Variants in SUSD5 observed in about 807,000 individuals in gnomAD.
SUSD5 encodes sushi domain containing 5, also known as sushi domain-containing protein 5.
Under a neutral mutation model 29.5 loss-of-function variants are expected in SUSD5, and 33 were observed. That is an observed-to-expected ratio of 1.12 (90% confidence interval 0.85 to 1.49). The LOEUF (loss-of-function observed/expected upper bound fraction) is 1.49. Ranked by LOEUF, SUSD5 falls within the 40% of genes most tolerant of loss-of-function variation. The probability of loss-of-function intolerance (pLI) is 0.00; values close to 1 mark genes in which losing one functional copy is unlikely to be tolerated. For missense variants in SUSD5, 776 were observed against 800.6 expected (o/e 0.97, Z 0.37); for synonymous variants, 308 against 325.3 (o/e 0.95, Z 0.57).
chr3:33,182,610 C>T (rs887072054), intron 3 of SUSD5, among the ~76,000 whole-genome samples: 1 of 152,168 alleles, frequency 6.6e-6, no homozygotes, highest in Non-Finnish European at 1.5e-5. Context: ...TGTTGTTAGG[C>T]ACATATACAT....
rs755931190 is a variant in SUSD5, at chr3:33,207,935, G to C, written c.291-9C>G. 6.1e-5 allele frequency: 97 copies of C among 1,598,960 alleles called. 1 individual carries two copies. The Admixed American group carries it at 6.5e-4, about 11-fold the overall frequency. ...TGCTACACACAGTTGTTCTGAAATA[G>C]ACAAAAAAGGCACTGAATGAGGAAA... On this transcript the variant is annotated splice_polypyrimidine_tract_variant and intron_variant, in intron 2 of 4. Coordinates refer to ENST00000309558, the MANE Select transcript of SUSD5 (RefSeq NM_015551.2).
rs914294688 is a variant in SUSD5, at chr3:33,152,407, G to A, written c.*335C>T. On this transcript the variant is annotated 3_prime_UTR_variant, in exon 5 of 5. Transcript: ENST00000309558. ...TGCACTCCAGCCTGGGCAACAGCAT[G>A]AGACTCTGTCTCAAAAAAAAAAAGA... 4.2e-6 allele frequency: 1 copy of A among 237,524 alleles called. No homozygotes were observed. The highest frequency in any genetic ancestry group is 5.1e-5 in the Admixed American group (1 of 19,622). 14.7% of individuals were successfully genotyped at this position (237,524 alleles called of 1,614,324 possible). A position where few individuals can be genotyped will look rare whatever the true frequency, so the allele number is the denominator to read the frequency against.
intron 2 of SUSD5, among the ~76,000 whole-genome samples, chr3:33,213,307 G>A (rs868755449): frequency 6.6e-6 from 1 of 152,124 alleles, no homozygotes; most frequent in Non-Finnish European, 1.5e-5. Context: ...AGGAGGCTGA[G>A]GCAGGAGAAA....
intron 3 of SUSD5, among the ~76,000 whole-genome samples, chr3:33,202,008 T>C (rs1426351087): frequency 6.6e-6 from 1 of 150,844 alleles, no homozygotes; most frequent in East Asian, 1.9e-4. Flanking sequence ...GTTAACTCCT[T>C]GAGAGAGGGG....
chr3:33,193,560 C>T (rs142247897), intron 3 of SUSD5, among the ~76,000 whole-genome samples: 2,298 of 152,112 alleles, frequency 0.015, 53 homozygotes, highest in African/African-American at 0.052. Flanking sequence ...ATATGGAATT[C>T]AGGGCTTTAG....
intron 1 of SUSD5, among the ~76,000 whole-genome samples, chr3:33,217,554 G>T (rs879341704): frequency 1.3e-5 from 2 of 152,188 alleles, no homozygotes; most frequent in Non-Finnish European, 2.9e-5. Flanking sequence ...TCTCTCTGAG[G>T]ATATGGAGAA....
chr3:33,177,433 C>T (rs535634728), intron 3 of SUSD5, among the ~76,000 whole-genome samples: 4 of 152,148 alleles, frequency 2.6e-5, no homozygotes, highest in African/African-American at 4.8e-5. Flanking sequence ...AGATCTTGTA[C>T]GTAATTTGTT....
chr3:33,207,976 T>C (rs1299531738), intron 2 of SUSD5, 50 bp from the exon 3 acceptor site: 2 of 1,352,142 alleles, frequency 1.5e-6, no homozygotes, highest in Non-Finnish European at 2.1e-6. Flanking sequence ...GGGTTGAAAA[T>C]AATAAGGAAT....
chr3:33,154,759 C>T (rs998266171), intron 4 of SUSD5, among the ~76,000 whole-genome samples: 2 of 151,998 alleles, frequency 1.3e-5, no homozygotes, highest in African/African-American at 4.8e-5. Context: ...TAAGACATTG[C>T]TAAGCAAAAT....
At chr3:33,202,117 G>A (rs1355433390) in intron 3 of SUSD5, among the ~76,000 whole-genome samples, 1 of 152,012 alleles carries the variant, frequency 6.6e-6, no homozygotes, top group Non-Finnish European at 1.5e-5. Context: ...CCACAAGTCT[G>A]AGCATTGGAC....
chr3:33,198,291 T>C (rs1194308174), intron 3 of SUSD5, among the ~76,000 whole-genome samples: 1 of 152,222 alleles, frequency 6.6e-6, no homozygotes, highest in Non-Finnish European at 1.5e-5. Context: ...GGTTCTAATA[T>C]TATTCCCAAG....
At chr3:33,161,371 G>A (rs999578104) in intron 4 of SUSD5, among the ~76,000 whole-genome samples, 37 of 151,948 alleles carry the variant, frequency 2.4e-4, no homozygotes, top group African/African-American at 7.7e-4. Flanking sequence ...TGAAAGGAGA[G>A]TAAAAGACTA....
At chr3:33,212,791 G>C (rs1312274507) in intron 2 of SUSD5, among the ~76,000 whole-genome samples, 1 of 152,196 alleles carries the variant, frequency 6.6e-6, no homozygotes, top group Non-Finnish European at 1.5e-5. Flanking sequence ...AATCTAGACA[G>C]ATGCGGCATG....
intron 2 of SUSD5, 101 bp from the exon 3 acceptor site, chr3:33,208,027 T>G: frequency 1.2e-6 from 1 of 840,246 alleles, no homozygotes; most frequent in Non-Finnish European, 1.9e-6. Context: ...CAGAGATTTT[T>G]CTGATTCATG....
chr3:33,153,419 C>T lies in SUSD5; in HGVS notation c.1213G>A (p.Val405Ile), dbSNP rs552801817. 3.0e-5 allele frequency: 49 copies of T among 1,613,810 alleles called. No individual in the cohort carries two copies. The highest frequency in any genetic ancestry group is 1.6e-4 in the Middle Eastern group (1 of 6,062). ...ATGGGCTGATCAGGAGTAACTAGGA[C>T]GTTTTCATCCAGCCCTACTGACCCA... The part of the protein sequence containing the change: ...GDGSVGLDEN[V>I]LVTPDQPILV... The change falls in exon 5 of 5, where the codon GTC becomes ATC. Residue 405 changes from valine to isoleucine, a missense_variant. Transcript: ENST00000309558.
chr3:33,182,961 TA>T (rs1279940778), intron 3 of SUSD5, among the ~76,000 whole-genome samples: 1 of 138,518 alleles, frequency 7.2e-6, no homozygotes, highest in Non-Finnish European at 1.6e-5. Context: ...TAATTTTTTG[TA>T]TTTTTTTTTT....
rs1312205534 is a variant in SUSD5 at position 33,167,984 on chromosome 3, TCTC to T, written c.598+6899_598+6901del. ...TCTAGGAAATGTAAGCTTTGTGGCT[TCTC>T]CTGGCAAAATGCAGGTCATTCACTG... On this transcript the variant is annotated intron_variant, in intron 4 of 4. Transcript: ENST00000309558. The surrounding 1 kb of genome is among the most constrained non-coding windows in gnomAD (Gnocchi z 4.1). 6.6e-6 allele frequency among the ~76,000 whole-genome samples: 1 copy of T among 152,202 alleles called. No individual in the cohort carries two copies. Among genetic ancestry groups the T allele is most frequent in the Non-Finnish European group, 1.5e-5 (1 of 68,034 alleles).
intron 3 of SUSD5, among the ~76,000 whole-genome samples, chr3:33,203,456 G>T (rs990830389): frequency 6.6e-6 from 1 of 152,220 alleles, no homozygotes; most frequent in African/African-American, 2.4e-5. Context: ...TGTAGCCTTT[G>T]CCCTGTGCAG....
At position 33,159,909 on chromosome 3, in the gene SUSD5, G is replaced by A. The variant is rs577519753; in HGVS notation, c.599-5876C>T. On this transcript the variant is annotated intron_variant, in intron 4 of 4. Transcript: ENST00000309558. ...GGGTTCTAAAGAAGACTGGACAAGC[G>A]TGACCTGGCTTAGCTCCTAACCCAC... is the stretch of plus-strand genomic sequence containing the variant. Among the ~76,000 whole-genome samples the A allele has an allele frequency of 8.5e-5, 13 of 152,292 alleles. No homozygotes were observed. The East Asian group carries it at 2.1e-3, about 25-fold the overall frequency.
Sources: allele counts gnomAD v4.1 joint callset (sites outside exome capture counted in the v4.1 genomes callset), GRCh38; gene constraint gnomAD v4.1.1; non-coding constraint Gnocchi (gnomAD v3.1); transcripts MANE v1.5; gene names NCBI Gene and HGNC (gene_info 2026-07-23, HGNC 2026-07-21).